Variants in ZNF385D observed in about 807,000 individuals in gnomAD.
ZNF385D encodes zinc finger protein 659.
In ZNF385D, 15 loss-of-function variants were observed where a neutral mutation model predicts 35.8. That is an observed-to-expected ratio of 0.42 (90% CI 0.28 to 0.64). ZNF385D has a LOEUF of 0.64. ZNF385D is among the 30% of genes least tolerant of loss of function. The probability of loss-of-function intolerance (pLI) is 0.23; values close to 1 mark genes in which losing one functional copy is unlikely to be tolerated. For synonymous variants in ZNF385D, 212 were observed against 186.8 expected (o/e 1.13, Z -1.10); for missense variants, 474 against 494.6 (o/e 0.96, Z 0.39).
intron 2 of ZNF385D, among the ~76,000 whole-genome samples, chr3:22,245,558 T>C (rs1699731580): frequency 2.0e-5 from 3 of 151,920 alleles, no homozygotes; most frequent in Non-Finnish European, 4.4e-5. Context: ...TTCTCCTTAA[T>C]TGGTATTTTA....
intron 3 of ZNF385D, among the ~76,000 whole-genome samples, chr3:21,787,110 A>G (rs765854550): frequency 6.6e-6 from 1 of 151,264 alleles, no homozygotes; most frequent in African/African-American, 2.4e-5. Context: ...TTTTTGGAAG[A>G]TAAAGAGAAT....
intron 3 of ZNF385D, among the ~76,000 whole-genome samples, chr3:21,977,993 C>A (rs1188950762): frequency 6.6e-6 from 1 of 151,998 alleles, no homozygotes; most frequent in Non-Finnish European, 1.5e-5. Context: ...GTTGGTATAG[C>A]CAAAGGAAAG....
At chr3:21,600,209 C>A (rs767721981) in intron 2 of ZNF385D, among the ~76,000 whole-genome samples, 3 of 152,204 alleles carry the variant, frequency 2.0e-5, no homozygotes, top group Non-Finnish European at 4.4e-5. Context: ...GCCCTCAGGG[C>A]AGCTCTGTCT....
intron 3 of ZNF385D, among the ~76,000 whole-genome samples, chr3:22,160,093 G>T (rs1705850001): frequency 6.6e-6 from 1 of 152,006 alleles, no homozygotes; most frequent in Non-Finnish European, 1.5e-5. Flanking sequence ...AAGGTGCCTT[G>T]CTTCTCCTTT....
chr3:21,879,977 A>G (rs1698192437), intron 3 of ZNF385D, among the ~76,000 whole-genome samples: 2 of 151,992 alleles, frequency 1.3e-5, no homozygotes, highest in South Asian at 4.1e-4. Flanking sequence ...GAGTCTGGCC[A>G]CAATTTGTCT....
Position 21,511,026 on chromosome 3 carries a change from A to G in ZNF385D, c.277-3T>C, listed in dbSNP as rs747078546. ...TTGTAGTGGGCCGCAGCCTGGCTCT[A>G]CAAAGGAGAACAAAATGAACCATGC... On this transcript the variant is annotated splice_region_variant and splice_polypyrimidine_tract_variant and intron_variant, in intron 3 of 7. Coordinates refer to ENST00000281523, the MANE Select transcript of ZNF385D (RefSeq NM_024697.3). 5.0e-6 allele frequency: 8 copies of G among 1,613,858 alleles called. No homozygotes were observed. Among genetic ancestry groups the G allele is most frequent in the East Asian group, 2.2e-5 (1 of 44,838 alleles).
intron 3 of ZNF385D, among the ~76,000 whole-genome samples, chr3:21,879,105 A>G (rs1287126867): frequency 6.6e-6 from 1 of 152,008 alleles, no homozygotes; most frequent in East Asian, 1.9e-4. Context: ...AGATAGAAAC[A>G]CTTTGCTTGT....
chr3:21,996,026 T>C (rs1695444193), intron 3 of ZNF385D, among the ~76,000 whole-genome samples: 1 of 152,040 alleles, frequency 6.6e-6, no homozygotes. Flanking sequence ...CACAGGGGAA[T>C]GTCAGCAAAG....
At chr3:21,996,455 A>G (rs537317604) in intron 3 of ZNF385D, among the ~76,000 whole-genome samples, 1 of 152,110 alleles carries the variant, frequency 6.6e-6, no homozygotes, top group Non-Finnish European at 1.5e-5. Flanking sequence ...ATCTATCCAA[A>G]GTGTGGTTAT....
In ZNF385D at chr3:22,235,836, G is replaced by A. The variant is rs565131542; in HGVS notation, c.107-66801C>T. On this transcript the variant is annotated intron_variant, in intron 2 of 5. Transcript: ENST00000494108. Reference sequence around the variant, plus strand: ...CAAATTGGTACTATCTTTTTGAAGGGTAATATAAAAATTTAATTTAAAAAA... The same window carrying A: ...CAAATTGGTACTATCTTTTTGAAGGATAATATAAAAATTTAATTTAAAAAA... 7.9e-5 allele frequency among the ~76,000 whole-genome samples: 12 copies of A among 152,084 alleles called. No homozygotes were observed. In the East Asian group the frequency reaches 2.1e-3, roughly 27 times the overall value.
chr3:21,701,329 G>C (rs1044443987), intron 1 of ZNF385D, among the ~76,000 whole-genome samples: 3 of 151,932 alleles, frequency 2.0e-5, no homozygotes, highest in Admixed American at 6.6e-5. Context: ...AGAAGCAAAA[G>C]AGGAAACCCC....
intron 3 of ZNF385D, among the ~76,000 whole-genome samples, chr3:21,998,813 G>T (rs1695650934): frequency 6.6e-6 from 1 of 152,168 alleles, no homozygotes; most frequent in African/African-American, 2.4e-5. Context: ...TAAATAGACT[G>T]TCAAGGGAGT....
chr3:21,520,853 C>T (rs1432533302), intron 3 of ZNF385D, among the ~76,000 whole-genome samples: 1 of 152,160 alleles, frequency 6.6e-6, no homozygotes, highest in Non-Finnish European at 1.5e-5. Context: ...CCTTTGTTAA[C>T]ACCATTTTTA....
chr3:21,879,105 A>C (rs1287126867), intron 3 of ZNF385D, among the ~76,000 whole-genome samples: 1 of 152,008 alleles, frequency 6.6e-6, no homozygotes, highest in African/African-American at 2.4e-5. Flanking sequence ...AGATAGAAAC[A>C]CTTTGCTTGT....
At chr3:22,269,383 A>C (rs543572391) in intron 2 of ZNF385D, among the ~76,000 whole-genome samples, 2 of 152,106 alleles carry the variant, frequency 1.3e-5, no homozygotes, top group South Asian at 4.1e-4. Flanking sequence ...AGGCACCAGT[A>C]GACTGTGAGC....
At chr3:21,920,326 T>C (rs533820755) in intron 3 of ZNF385D, among the ~76,000 whole-genome samples, 27 of 152,258 alleles carry the variant, frequency 1.8e-4, no homozygotes, top group African/African-American at 5.8e-4. Context: ...ATAAATATTT[T>C]TGAAGGAAAA....
In ZNF385D at chr3:22,040,474, C is replaced by G. The variant is rs115439074; in HGVS notation, c.325+128343G>C. Among the ~76,000 whole-genome samples the G allele has an allele frequency of 8.7e-3, 1,329 of 152,192 alleles. 16 individuals carry two copies. Among genetic ancestry groups the G allele is most frequent in the Middle Eastern group, 0.02 (6 of 294 alleles). On this transcript the variant is annotated intron_variant, in intron 3 of 5. Coordinates refer to the ZNF385D transcript ENST00000494108. Reference sequence around the variant, plus strand: ...GCAATGTGACTCCAAAGGCTACAGTCCTGATGGGTGATAGGAAATTGTAAT... The same window carrying G: ...GCAATGTGACTCCAAAGGCTACAGTGCTGATGGGTGATAGGAAATTGTAAT...
chr3:21,588,179 A>G (rs904437957), intron 2 of ZNF385D, among the ~76,000 whole-genome samples: 3 of 152,180 alleles, frequency 2.0e-5, no homozygotes, highest in Non-Finnish European at 1.5e-5. Context: ...ACAGAATCAT[A>G]ATTAGAAACA....
chr3:21,943,316 A>ATG (rs1701625774), intron 3 of ZNF385D, among the ~76,000 whole-genome samples: 1 of 151,454 alleles, frequency 6.6e-6, no homozygotes, highest in Admixed American at 6.6e-5. Flanking sequence ...GTGTATATAT[A>ATG]TGTATATATA....
Sources: allele counts gnomAD v4.1 joint callset (sites outside exome capture counted in the v4.1 genomes callset), GRCh38; gene constraint gnomAD v4.1.1; transcripts MANE v1.5; gene names NCBI Gene and HGNC (gene_info 2026-07-23, HGNC 2026-07-21).